PCGF5: variants seen among roughly 807,000 people sequenced by gnomAD.
PCGF5 encodes polycomb group ring finger 5, also known as polycomb group RING finger protein 5.
A neutral mutation model predicts 44.3 loss-of-function variants in PCGF5; 9 were observed. That is an observed-to-expected ratio of 0.20 (90% CI 0.12 to 0.35). The LOEUF (loss-of-function observed/expected upper bound fraction) is 0.35, where lower values mean the gene tolerates loss of function less well. Among genes scored for constraint, PCGF5 ranks in the 10% least tolerant of loss-of-function variants. The pLI, the probability that PCGF5 is intolerant of heterozygous loss-of-function variation, is 1.00. For missense variants in PCGF5, 146 were observed against 305.3 expected (o/e 0.48, Z 3.89); for synonymous variants, 95 against 102.5 (o/e 0.93, Z 0.44).
At chr10:91,216,336 AG>A (rs1254344973), upstream of PCGF5, among the ~76,000 whole-genome samples, 6 of 152,174 alleles carry the variant, frequency 3.9e-5, no homozygotes, top group Non-Finnish European at 7.4e-5. Context: ...GGGAAGGGTG[AG>A]GGGATAAAGA....
chr10:91,198,193 A>G (rs146115638), intron 1 of PCGF5, among the ~76,000 whole-genome samples: 298 of 152,304 alleles, frequency 2.0e-3, no homozygotes, highest in Middle Eastern at 3.4e-3. Flanking sequence ...GTCTCTCTAA[A>G]TTGAACCCAC....
chr10:91,240,679 G>A (rs930601925), intron 3 of PCGF5, 99 bp downstream of exon 3: 1 of 662,278 alleles, frequency 1.5e-6, no homozygotes, highest in African/African-American at 1.8e-5. Context: ...TCTTGACTCA[G>A]TTAATATAGG....
At chr10:91,182,738 T>C (rs1843844580) in intron 1 of PCGF5, among the ~76,000 whole-genome samples, 1 of 152,228 alleles carries the variant, frequency 6.6e-6, no homozygotes, top group South Asian at 2.1e-4. Flanking sequence ...CTCTGTTACA[T>C]TGTATCTTTG....
intron 1 of PCGF5, among the ~76,000 whole-genome samples, chr10:91,193,604 G>A (rs1844074932): frequency 6.6e-6 from 1 of 151,998 alleles, no homozygotes. Flanking sequence ...GGGTCGGAAA[G>A]GCCCTCCACC....
At chr10:91,183,674 AC>A (rs1843864186) in intron 1 of PCGF5, among the ~76,000 whole-genome samples, 1 of 152,096 alleles carries the variant, frequency 6.6e-6, no homozygotes, top group Admixed American at 6.5e-5. Context: ...TGGTCTGTGT[AC>A]TTCAGTGTGT....
chr10:91,223,633 A>T (rs1844738876), intron 2 of PCGF5, among the ~76,000 whole-genome samples: 1 of 152,228 alleles, frequency 6.6e-6, no homozygotes, highest in Non-Finnish European at 1.5e-5. Flanking sequence ...TTATGCCAAG[A>T]TTACACATAC....
At chr10:91,271,802 A>C in intron 9 of PCGF5, 105 bp downstream of exon 9, 1 of 912,448 alleles carries the variant, frequency 1.1e-6, no homozygotes, top group Admixed American at 2.0e-5. Context: ...TAAAACTGTT[A>C]CTGGAGCTAC....
intron 3 of PCGF5, 72 bp from the exon 4 acceptor site, chr10:91,248,433 C>T: frequency 1.5e-6 from 2 of 1,302,370 alleles, no homozygotes; most frequent in Non-Finnish European, 2.2e-6. Flanking sequence ...TAAGATTATA[C>T]ATCTCAGACT....
At chr10:91,176,051 G>A (rs907615480) in intron 1 of PCGF5, among the ~76,000 whole-genome samples, 1 of 152,266 alleles carries the variant, frequency 6.6e-6, no homozygotes, top group African/African-American at 2.4e-5. Flanking sequence ...GCTGGTACCG[G>A]TTGTTCCTTT....
At chr10:91,215,083 C>G (rs532080179) in intron 1 of PCGF5, among the ~76,000 whole-genome samples, 2 of 152,228 alleles carry the variant, frequency 1.3e-5, no homozygotes, top group Non-Finnish European at 2.9e-5. Context: ...CTCATCAGTA[C>G]TTGTAATAAG....
intron 3 of PCGF5, among the ~76,000 whole-genome samples, chr10:91,243,929 G>A (rs1338020899): frequency 1.3e-5 from 2 of 152,202 alleles, no homozygotes; most frequent in Non-Finnish European, 2.9e-5. Flanking sequence ...ATAGAAGGAA[G>A]ATGGAGAGCT....
At chr10:91,192,620 C>G (rs2133215326) in intron 1 of PCGF5, among the ~76,000 whole-genome samples, 1 of 152,194 alleles carries the variant, frequency 6.6e-6, no homozygotes, top group East Asian at 1.9e-4. Flanking sequence ...TATCAATAAA[C>G]AAAACAATGA....
chr10:91,165,454 T>A (rs191258758), intron 1 of PCGF5, among the ~76,000 whole-genome samples: 1 of 152,324 alleles, frequency 6.6e-6, no homozygotes, highest in East Asian at 1.9e-4. Flanking sequence ...GCCTGAAGTT[T>A]AGCTGCAGTT....
At chr10:91,172,934 C>G (rs1441004649) in intron 1 of PCGF5, among the ~76,000 whole-genome samples, 1 of 152,104 alleles carries the variant, frequency 6.6e-6, no homozygotes, top group African/African-American at 2.4e-5. Flanking sequence ...AGTTCTTTGT[C>G]CTCATAAAAT....
rs927336839 is a variant in PCGF5, at chr10:91,276,757, T to C, written c.724-1512T>C. ...AATGCATTCTAAAATGAGTGGCTTA[T>C]GTATTTGCAGAAAGTGTGCAAATTC... On this transcript the variant is annotated intron_variant, in intron 9 of 9. Transcript: ENST00000336126. Among the ~76,000 whole-genome samples the C allele has an allele frequency of 2.6e-5, 4 of 152,204 alleles. No homozygotes were observed. In the South Asian group the frequency reaches 8.3e-4, roughly 31 times the overall value.
chr10:91,269,044 C>T (rs1846114024), intron 8 of PCGF5, among the ~76,000 whole-genome samples: 1 of 152,108 alleles, frequency 6.6e-6, no homozygotes, highest in African/African-American at 2.4e-5. Context: ...AAATTCAGAT[C>T]ATCTCAGGAT....
At chr10:91,233,011 A>C (rs766454640) in intron 2 of PCGF5, among the ~76,000 whole-genome samples, 1 of 152,214 alleles carries the variant, frequency 6.6e-6, no homozygotes, top group Non-Finnish European at 1.5e-5. Context: ...GGCAGAGTAC[A>C]TAGAGAGTTA....
chr10:91,189,445 A>G (rs1238881612), intron 1 of PCGF5, among the ~76,000 whole-genome samples: 1 of 152,224 alleles, frequency 6.6e-6, no homozygotes, highest in East Asian at 1.9e-4. Context: ...AGATAAATGA[A>G]TATAAGATTT....
intron 2 of PCGF5, among the ~76,000 whole-genome samples, chr10:91,225,930 T>G (rs1297665635): frequency 2.0e-5 from 3 of 152,064 alleles, no homozygotes; most frequent in Non-Finnish European, 4.4e-5. Context: ...GATACAGTTG[T>G]TCTGTGATTT....
Sources: allele counts gnomAD v4.1 joint callset (sites outside exome capture counted in the v4.1 genomes callset), GRCh38; gene constraint gnomAD v4.1.1; transcripts MANE v1.5; gene names NCBI Gene and HGNC (gene_info 2026-07-23, HGNC 2026-07-21).